The following FGF13 variants were observed in gnomAD, a reference collection of about 807,000 sequenced individuals.
FGF13 encodes fibroblast growth factor 13, also known as fibroblast growth factor homologous factor 2.
Under a neutral mutation model 19.5 loss-of-function variants are expected in FGF13, and 2 were observed. That is an observed-to-expected ratio of 0.10 (90% CI 0.04 to 0.32). The LOEUF is 0.32. FGF13 is among the 10% of genes least tolerant of loss of function. The pLI, the probability that FGF13 is intolerant of heterozygous loss-of-function variation, is 1.00. For synonymous variants in FGF13, 72 were observed against 76.9 expected (o/e 0.94, Z 0.33); for missense variants, 113 against 192.7 (o/e 0.59, Z 2.45).
At chrX:139,179,826 T>G (rs2084225350) in intron 1 of FGF13, among the ~76,000 whole-genome samples, 1 of 112,961 alleles carries the variant, frequency 8.9e-6, no homozygotes, top group African/African-American at 3.2e-5. Flanking sequence ...AAACAGACAC[T>G]TAATAAATGT....
At chrX:139,129,277 T>C (rs1171981761) in intron 1 of FGF13, among the ~76,000 whole-genome samples, 1 of 109,954 alleles carries the variant, frequency 9.1e-6, no homozygotes, top group Non-Finnish European at 1.9e-5. Context: ...GATATATTCA[T>C]CACATATTAC....
chrX:138,683,796 C>T (rs1022633946), intron 3 of FGF13, among the ~76,000 whole-genome samples: 2 of 111,492 alleles, frequency 1.8e-5, no homozygotes, highest in East Asian at 2.8e-4. Context: ...CATAATTCAG[C>T]GGGATGACGA....
intron 1 of FGF13, among the ~76,000 whole-genome samples, chrX:138,874,713 G>GT (rs1393309827): frequency 8.9e-6 from 1 of 111,938 alleles, no homozygotes; most frequent in African/African-American, 3.2e-5. Context: ...CCATTTCTCT[G>GT]TAAGTTCCTC....
At chrX:138,859,700 C>T (rs191183791) in intron 2 of FGF13, among the ~76,000 whole-genome samples, 53 of 112,155 alleles carry the variant, frequency 4.7e-4, no homozygotes, top group African/African-American at 1.6e-3. Flanking sequence ...TAATTAGATA[C>T]GACTGGTTAT....
chrX:139,006,709 A>G (rs1308775344), intron 1 of FGF13, among the ~76,000 whole-genome samples: 1 of 112,332 alleles, frequency 8.9e-6, no homozygotes, highest in Non-Finnish European at 1.9e-5. Flanking sequence ...ATTGACGTGT[A>G]GAATTGTTGT....
At chrX:139,169,469 C>T (rs1403682296) in intron 1 of FGF13, among the ~76,000 whole-genome samples, 1 of 109,812 alleles carries the variant, frequency 9.1e-6, no homozygotes, top group African/African-American at 3.3e-5. Flanking sequence ...CCCCTGCTTG[C>T]TTGCTTGTAT....
intron 1 of FGF13, among the ~76,000 whole-genome samples, chrX:139,142,521 A>G (rs2083853130): frequency 9.0e-6 from 1 of 111,239 alleles, no homozygotes; most frequent in Admixed American, 9.6e-5. Context: ...AATTCTTAAC[A>G]GTTTGGGGGA....
At chrX:139,061,918 T>A (rs958479437) in intron 1 of FGF13, among the ~76,000 whole-genome samples, 3 of 107,968 alleles carry the variant, frequency 2.8e-5, no homozygotes, top group Non-Finnish European at 5.7e-5. Flanking sequence ...ATCAGGTTAC[T>A]TGTCTTCTTG....
chrX:139,032,463 C>T (rs190813726), intron 1 of FGF13, among the ~76,000 whole-genome samples: 1 of 111,774 alleles, frequency 8.9e-6, no homozygotes, highest in African/African-American at 3.2e-5. Context: ...TATCTCTATA[C>T]TTCTAGCACT....
At chrX:138,944,849 C>T (rs2091774846) in intron 1 of FGF13, among the ~76,000 whole-genome samples, 1 of 111,577 alleles carries the variant, frequency 9.0e-6, no homozygotes, top group Non-Finnish European at 1.9e-5. Flanking sequence ...AATTCTCTCA[C>T]TGGTATTTTT....
chrX:138,741,643 G>T (rs141035299), upstream of FGF13, among the ~76,000 whole-genome samples: 620 of 111,268 alleles, frequency 5.6e-3, 7 homozygotes, highest in African/African-American at 0.019. Flanking sequence ...TGTTGTGGAA[G>T]AAAGCAATCT....
intron 1 of FGF13, among the ~76,000 whole-genome samples, chrX:139,065,573 A>C (rs1490616312): frequency 9.0e-6 from 1 of 110,580 alleles, no homozygotes; most frequent in Non-Finnish European, 1.9e-5. Flanking sequence ...AAAAGACACA[A>C]AGAAGGGCAT....
At chrX:138,928,442 G>A (rs964347644) in intron 1 of FGF13, among the ~76,000 whole-genome samples, 4 of 110,794 alleles carry the variant, frequency 3.6e-5, no homozygotes, top group Non-Finnish European at 7.5e-5. Flanking sequence ...CTAGAGAGGT[G>A]AGAGTTAGAG....
At chrX:139,189,362 AAG>A (rs1163750102) in intron 1 of FGF13, among the ~76,000 whole-genome samples, 2 of 111,982 alleles carry the variant, frequency 1.8e-5, no homozygotes, top group South Asian at 7.4e-4. Flanking sequence ...CATTATTCAC[AAG>A]AGTCAGAAGA....
chrX:139,045,991 C>T (rs1271782668), intron 1 of FGF13, among the ~76,000 whole-genome samples: 2 of 111,850 alleles, frequency 1.8e-5, no homozygotes, highest in Non-Finnish European at 3.8e-5. Context: ...CAATACCCCA[C>T]TCGTGGTACC....
At chrX:138,878,703 T>A (rs1238543422) in intron 1 of FGF13, among the ~76,000 whole-genome samples, 2 of 110,388 alleles carry the variant, frequency 1.8e-5, no homozygotes, top group African/African-American at 6.7e-5. Flanking sequence ...TATTTCTAGT[T>A]CTAGATCCCT....
At chrX:139,174,770 C>A (rs771658992) in intron 1 of FGF13, among the ~76,000 whole-genome samples, 1 of 112,065 alleles carries the variant, frequency 8.9e-6, no homozygotes, top group Admixed American at 9.4e-5. Flanking sequence ...TGTTTTGGTA[C>A]CAGCACCATG....
chrX:138,913,036 C>A (rs943912697), intron 1 of FGF13, among the ~76,000 whole-genome samples: 14 of 110,739 alleles, frequency 1.3e-4, no homozygotes, highest in African/African-American at 4.3e-4. Flanking sequence ...TCATTTAAAC[C>A]CAAGATATCA....
chrX:138,906,795 A>G (rs56990498), intron 1 of FGF13, among the ~76,000 whole-genome samples: 9,000 of 110,469 alleles, frequency 0.081, 938 homozygotes, highest in African/African-American at 0.28. Context: ...GGAGTCCTAT[A>G]TCTCCTTTCC....
Sources: gnomAD v4.1 joint callset for allele counts (sites outside exome capture counted in the v4.1 genomes callset) on GRCh38, gnomAD v4.1.1 for gene constraint, MANE v1.5 for transcripts, NCBI Gene and HGNC (gene_info 2026-07-23, HGNC 2026-07-21) for gene names.